The following WDR33 variants were observed in gnomAD, a reference collection of about 807,000 sequenced individuals.
WDR33 encodes the protein pre-mRNA 3' end processing protein WDR33.
Under a neutral mutation model 164.9 loss-of-function variants are expected in WDR33, and 47 were observed. The ratio of observed to expected loss-of-function variants is 0.29; its 90% confidence interval spans 0.23 to 0.36. The LOEUF is 0.36. Ranked by LOEUF, WDR33 falls within the 10% of genes least tolerant of loss-of-function variation. WDR33 has a pLI of 1.00. For synonymous variants in WDR33, 505 were observed against 589.0 expected (o/e 0.86, Z 2.06); for missense variants, 1,137 against 1,754.1 (o/e 0.65, Z 6.28).
At chr2:127,758,523 C>A (rs1159513542) in intron 7 of WDR33, among the ~76,000 whole-genome samples, 1 of 152,066 alleles carries the variant, frequency 6.6e-6, no homozygotes, top group Admixed American at 6.6e-5. Context: ...ATATGCCTTA[C>A]AATTACAGTA....
intron 1 of WDR33, among the ~76,000 whole-genome samples, chr2:127,791,145 C>A (rs1688828153): frequency 6.8e-6 from 1 of 147,098 alleles, no homozygotes; most frequent in Non-Finnish European, 1.5e-5. Flanking sequence ...GTACTTTATC[C>A]AAACTCTTTC....
intron 1 of WDR33, among the ~76,000 whole-genome samples, chr2:127,790,313 C>G (rs1040588665): frequency 1.3e-5 from 2 of 152,098 alleles, no homozygotes; most frequent in Non-Finnish European, 2.9e-5. Flanking sequence ...ATGTATTATC[C>G]TTTTTATACT....
chr2:127,750,705 T>TATATATGTATGCATAC (rs1687321238), intron 7 of WDR33, among the ~76,000 whole-genome samples: 1 of 58,094 alleles, frequency 1.7e-5, no homozygotes, highest in African/African-American at 1.0e-4. Context: ...TATATATATA[T>TATATATGTATGCATAC]ATATATATGT....
At chr2:127,756,507 A>G (rs573669510) in intron 7 of WDR33, among the ~76,000 whole-genome samples, 34 of 152,250 alleles carry the variant, frequency 2.2e-4, no homozygotes, top group African/African-American at 7.9e-4. Flanking sequence ...AAGCCAAGAC[A>G]TATTATACAT....
At chr2:127,800,875 A>C (rs1027833847) in intron 1 of WDR33, among the ~76,000 whole-genome samples, 1 of 152,184 alleles carries the variant, frequency 6.6e-6, no homozygotes, top group Non-Finnish European at 1.5e-5. Context: ...GTATTGCCAC[A>C]ATAAACTGGT....
In WDR33 at chr2:127,735,938, A is replaced by T. The variant is rs1686828038; in HGVS notation, c.725-9161T>A. 1.0e-6 allele frequency: 1 copy of T among 985,416 alleles called. No homozygotes were observed. The highest frequency in any genetic ancestry group is 1.2e-6 in the Non-Finnish European group (1 of 829,906). 61.0% of individuals were successfully genotyped at this position (985,416 alleles called of 1,614,324 possible). On this transcript the variant is annotated intron_variant, in intron 7 of 21. Coordinates refer to ENST00000322313, the MANE Select transcript of WDR33 (RefSeq NM_018383.5). This position sits in a 1 kb window ranked among gnomAD's most constrained non-coding sequence, Gnocchi z 4.3. The stretch of plus-strand genomic sequence containing the variant: ...AGTGAAAAACTATAGAATTAAATGG[A>T]AAGTTAATTCTGGAAAGGGGGTATG...
intron 7 of WDR33, among the ~76,000 whole-genome samples, chr2:127,742,225 A>G (rs1009617489): frequency 5.4e-5 from 8 of 148,580 alleles, no homozygotes; most frequent in African/African-American, 2.0e-4. Context: ...AAAAATAAAA[A>G]TAAATAAAAA....
At chr2:127,736,745 C>A in intron 7 of WDR33, 1 of 985,358 alleles carries the variant, frequency 1.0e-6, no homozygotes, top group Non-Finnish European at 1.2e-6. Flanking sequence ...ATTCTTATGA[C>A]TATATGGTAA....
At chr2:127,752,184 C>A (rs944543313) in intron 7 of WDR33, among the ~76,000 whole-genome samples, 7 of 152,228 alleles carry the variant, frequency 4.6e-5, no homozygotes, top group Admixed American at 1.3e-4. Context: ...ACTTGTTCAT[C>A]CAACTTCCTT....
At chr2:127,809,428 C>CTT (rs70985478) in intron 1 of WDR33, among the ~76,000 whole-genome samples, 2,577 of 94,484 alleles carry the variant, frequency 0.027, 18 homozygotes, top group Non-Finnish European at 0.03. Context: ...AGCCAAATTC[C>CTT]TTTTTTTTTT....
chr2:127,788,201 C>A (rs1688673799), intron 1 of WDR33, among the ~76,000 whole-genome samples: 1 of 119,912 alleles, frequency 8.3e-6, no homozygotes, highest in African/African-American at 3.3e-5. Context: ...GGAGGGCTGA[C>A]CCCCCCACCT....
chr2:127,732,345 C>A (rs1310024496), intron 7 of WDR33, among the ~76,000 whole-genome samples: 1 of 151,548 alleles, frequency 6.6e-6, no homozygotes, highest in Non-Finnish European at 1.5e-5. Flanking sequence ...ATCGCCCAGG[C>A]TAGAGTGGAG....
At chr2:127,757,819 T>C (rs916217410) in intron 7 of WDR33, among the ~76,000 whole-genome samples, 1 of 152,246 alleles carries the variant, frequency 6.6e-6, no homozygotes, top group African/African-American at 2.4e-5. Context: ...ACTTTGTAAA[T>C]GTGTCTTCAC....
chr2:127,750,720 ATGCATACATATATATGTATG>A lies in WDR33; in HGVS notation c.724+12322_724+12341del, dbSNP rs1558937054. ...TATATATATATATATATATGTATGT[ATGCATACATATATATGTATG>A]CATACATATATATGTATACATACAT... On this transcript the variant is annotated intron_variant, in intron 7 of 21. Transcript: ENST00000322313. Among the ~76,000 whole-genome samples the A allele has an allele frequency of 5.5e-3, 379 of 68,452 alleles. 7 individuals are homozygous for A. Among genetic ancestry groups the A allele is most frequent in the African/African-American group, 0.023 (357 of 15,658 alleles). 44.9% of individuals were successfully genotyped at this position (68,452 alleles called of 152,430 possible).
chr2:127,758,942 G>T (rs1687598317), intron 7 of WDR33, among the ~76,000 whole-genome samples: 1 of 152,136 alleles, frequency 6.6e-6, no homozygotes, highest in Admixed American at 6.5e-5. Flanking sequence ...GATTTTAATG[G>T]TACTATTTCA....
chr2:127,786,641 G>C (rs377711139), intron 1 of WDR33, among the ~76,000 whole-genome samples: 16 of 152,084 alleles, frequency 1.1e-4, no homozygotes, highest in African/African-American at 3.6e-4. Flanking sequence ...CCAAGATTGC[G>C]TCACTGCACT....
intron 7 of WDR33, among the ~76,000 whole-genome samples, chr2:127,751,037 A>C (rs1687343187): frequency 6.6e-6 from 1 of 151,934 alleles, no homozygotes; most frequent in Middle Eastern, 3.4e-3. Flanking sequence ...ATTAAAACCT[A>C]AAAACTGTAA....
chr2:127,792,165 C>T (rs1229945097), intron 1 of WDR33, among the ~76,000 whole-genome samples: 1 of 151,460 alleles, frequency 6.6e-6, no homozygotes, highest in African/African-American at 2.4e-5. Flanking sequence ...TCTCGAACTC[C>T]GGACCTCAGG....
At position 127,738,141 on chromosome 2, in the gene WDR33, C is replaced by T; in HGVS notation, c.725-11364G>A. 3.2e-6 allele frequency: 4 copies of T among 1,269,576 alleles called. No homozygotes were observed. The highest frequency in any genetic ancestry group is 4.2e-6 in the Non-Finnish European group (4 of 947,016). The allele number at this position is 1,269,576 out of a possible 1,614,324, so 78.6% of individuals were successfully genotyped here. On this transcript the variant is annotated intron_variant, in intron 7 of 21. Coordinates refer to ENST00000322313, the MANE Select transcript of WDR33 (RefSeq NM_018383.5). This position sits in a 1 kb window ranked among gnomAD's most constrained non-coding sequence, Gnocchi z 4.4. ...GAGCCCTGGCAGATTGTGTAATTTC[C>T]AGATATGACTGAGATTTTTTTCTAT...
Sources: gnomAD v4.1 joint callset for allele counts (sites outside exome capture counted in the v4.1 genomes callset) on GRCh38, gnomAD v4.1.1 for gene constraint, Gnocchi (gnomAD v3.1) non-coding constraint, MANE v1.5 for transcripts, NCBI Gene and HGNC (gene_info 2026-07-23, HGNC 2026-07-21) for gene names.